Variants in PPME1 observed in about 807,000 individuals in gnomAD.
PPME1 encodes the protein testicular secretory protein Li 39.
Under a neutral mutation model 56.9 loss-of-function variants are expected in PPME1, and 17 were observed. The observed-to-expected ratio is 0.30, with a 90% confidence interval of 0.20 to 0.45. The LOEUF (loss-of-function observed/expected upper bound fraction) is 0.45. PPME1 is among the 20% of genes least tolerant of loss of function. The pLI is 1.00. For synonymous variants in PPME1, 122 were observed against 156.2 expected (o/e 0.78, Z 1.63); for missense variants, 357 against 483.2 (o/e 0.74, Z 2.45).
intron 1 of PPME1, among the ~76,000 whole-genome samples, chr11:74,198,412 T>C (rs1318534552): frequency 2.0e-5 from 3 of 152,176 alleles, no homozygotes; most frequent in African/African-American, 7.2e-5. Context: ...AGATTGATCT[T>C]TCTGAAATAC....
chr11:74,246,853 A>T (rs2135678881), intron 10 of PPME1, among the ~76,000 whole-genome samples: 1 of 152,324 alleles, frequency 6.6e-6, no homozygotes, highest in East Asian at 1.9e-4. Context: ...TCTGATTATT[A>T]TGAGAATTAA....
At chr11:74,238,820 T>C (rs1859266411) in intron 8 of PPME1, 1 of 183,212 alleles carries the variant, frequency 5.5e-6, no homozygotes. Flanking sequence ...TTCTTAACTC[T>C]TCAGGGCTAC....
chr11:74,216,774 G>T (rs1471189369), intron 3 of PPME1, among the ~76,000 whole-genome samples: 1 of 152,058 alleles, frequency 6.6e-6, no homozygotes, highest in Non-Finnish European at 1.5e-5. Flanking sequence ...AATAAAATCA[G>T]ATGAAAAAGG....
intron 3 of PPME1, among the ~76,000 whole-genome samples, chr11:74,221,808 C>T (rs1858807894): frequency 6.6e-6 from 1 of 152,018 alleles, no homozygotes; most frequent in African/African-American, 2.4e-5. Flanking sequence ...GGTACACAAG[C>T]TGGTATGTTC....
intron 1 of PPME1, among the ~76,000 whole-genome samples, chr11:74,181,403 T>C (rs1857534403): frequency 6.6e-6 from 1 of 152,218 alleles, no homozygotes; most frequent in Non-Finnish European, 1.5e-5. Context: ...CAGACTACTT[T>C]AGTTCATTCA....
At chr11:74,238,286 G>A (rs146607938) in intron 8 of PPME1, 137 of 151,992 alleles carry the variant, frequency 9.0e-4, no homozygotes, top group African/African-American at 3.0e-3. Flanking sequence ...CTGAAGGTTT[G>A]GCAGAGAAGA....
chr11:74,242,732 A>T (rs1341172098), intron 9 of PPME1, among the ~76,000 whole-genome samples: 2 of 151,852 alleles, frequency 1.3e-5, no homozygotes, highest in Non-Finnish European at 2.9e-5. Context: ...TACAAAAATT[A>T]GCTGGGCGTG....
intron 1 of PPME1, among the ~76,000 whole-genome samples, chr11:74,194,760 G>A (rs917544574): frequency 5.3e-5 from 8 of 152,108 alleles, no homozygotes; most frequent in African/African-American, 1.9e-4. Context: ...GTGTGAAAAT[G>A]GGGAACGCTA....
intron 9 of PPME1, 169 bp from the exon 10 acceptor site, chr11:74,245,907 T>C (rs1859490426): frequency 1.7e-6 from 1 of 601,096 alleles, no homozygotes; most frequent in Admixed American, 3.7e-5. Context: ...CAGTGACCCA[T>C]ACAACAAGAC....
intron 3 of PPME1, among the ~76,000 whole-genome samples, chr11:74,211,859 T>C (rs1031057857): frequency 2.6e-5 from 4 of 152,168 alleles, no homozygotes; most frequent in African/African-American, 9.7e-5. Flanking sequence ...GATAAATTTA[T>C]AAAAATGGGA....
chr11:74,241,307 C>T (rs192471864), intron 9 of PPME1, among the ~76,000 whole-genome samples: 6 of 152,316 alleles, frequency 3.9e-5, no homozygotes, highest in Non-Finnish European at 5.9e-5. Flanking sequence ...TATTGTAGCA[C>T]GTATCAAATA....
At chr11:74,242,154 C>T (rs1414301900) in intron 9 of PPME1, among the ~76,000 whole-genome samples, 1 of 152,138 alleles carries the variant, frequency 6.6e-6, no homozygotes, top group Non-Finnish European at 1.5e-5. Context: ...TGTATGATAT[C>T]AGGAATGGAA....
intron 1 of PPME1, among the ~76,000 whole-genome samples, chr11:74,180,338 A>T (rs997605054): frequency 6.6e-6 from 1 of 152,130 alleles, no homozygotes. Context: ...TTGTGTCTGA[A>T]TTTTGCTGGT....
At chr11:74,185,519 G>A (rs571440522) in intron 1 of PPME1, among the ~76,000 whole-genome samples, 76 of 152,056 alleles carry the variant, frequency 5.0e-4, no homozygotes, top group African/African-American at 1.7e-3. Flanking sequence ...TTGAGGGTAA[G>A]CAACTGCATT....
intron 1 of PPME1, among the ~76,000 whole-genome samples, chr11:74,201,724 G>T (rs2135621249): frequency 6.6e-6 from 1 of 152,320 alleles, no homozygotes; most frequent in Middle Eastern, 3.4e-3. Context: ...TTGGCACAGT[G>T]ACTCGTTTGT....
intron 9 of PPME1, among the ~76,000 whole-genome samples, chr11:74,245,661 C>T (rs1409973078): frequency 6.6e-6 from 1 of 152,124 alleles, no homozygotes; most frequent in Non-Finnish European, 1.5e-5. Flanking sequence ...GTAATCCTAA[C>T]TTAGATGACA....
chr11:74,204,781 T>G, intron 3 of PPME1: 1 of 178,078 alleles, frequency 5.6e-6, no homozygotes, highest in Non-Finnish European at 1.2e-5. Flanking sequence ...GCTGGCAAGT[T>G]CTGATTGATA....
At chr11:74,233,065 G>A (rs1317015462) in intron 7 of PPME1, among the ~76,000 whole-genome samples, 2 of 151,580 alleles carry the variant, frequency 1.3e-5, no homozygotes, top group African/African-American at 4.8e-5. Flanking sequence ...CCTAAGATGT[G>A]TCAGTACCTG....
chr11:74,202,509 TA>T (rs1858197124), intron 1 of PPME1, among the ~76,000 whole-genome samples: 1 of 152,212 alleles, frequency 6.6e-6, no homozygotes, highest in Non-Finnish European at 1.5e-5. Flanking sequence ...ATTAAGTTTT[TA>T]GAAAGAGCTT....
Sources: allele counts gnomAD v4.1 joint callset (sites outside exome capture counted in the v4.1 genomes callset), GRCh38; gene constraint gnomAD v4.1.1; transcripts MANE v1.5; gene names NCBI Gene and HGNC (gene_info 2026-07-23, HGNC 2026-07-21).